Variants in PCDHA6 observed in about 807,000 individuals in gnomAD.
PCDHA6 encodes protocadherin alpha-6.
Under a neutral mutation model 60.3 loss-of-function variants are expected in PCDHA6, and 55 were observed. That is an observed-to-expected ratio of 0.91 (90% CI 0.73 to 1.14). The LOEUF is 1.14. Among genes scored for constraint, PCDHA6 ranks in the 50% most tolerant of loss-of-function variants. The pLI is 0.00. For missense variants in PCDHA6, 1,327 were observed against 1,256.5 expected, an observed-to-expected ratio of 1.06 and a Z score of -0.85; for synonymous variants, 652 against 557.9, an observed-to-expected ratio of 1.17 and a Z score of -2.38.
chr5:140,883,259 G>A (rs573584031), intron 1 of PCDHA6: 1 of 1,614,000 alleles, frequency 6.2e-7, no homozygotes, highest in East Asian at 2.2e-5. Flanking sequence ...TATTCCAATG[G>A]CGGGTCATTG....
chr5:140,970,641 T>C (rs1430565577), intron 1 of PCDHA6, among the ~76,000 whole-genome samples: 1 of 152,170 alleles, frequency 6.6e-6, no homozygotes, highest in African/African-American at 2.4e-5. Context: ...GTACCATAAA[T>C]AGTGATGAAT....
In PCDHA6 at chr5:140,937,039, C is replaced by CTT. The variant is rs34994034; in HGVS notation, c.2395-41895_2395-41894dup. On this transcript the variant is annotated intron_variant, in intron 1 of 3. Coordinates refer to ENST00000529310, the MANE Select transcript of PCDHA6 (RefSeq NM_018909.4). ...TAACAAGGTATATTCTTCCATTTATCTTTTTTTTTTTTTTTTGAGACGGAG... is the reference window on the plus strand; with the variant it reads ...TAACAAGGTATATTCTTCCATTTATCTTTTTTTTTTTTTTTTTTGAGACGGAG... 3.4e-3 allele frequency among the ~76,000 whole-genome samples: 476 copies of CTT among 140,122 alleles called. 6 individuals carry two copies. The highest frequency in any genetic ancestry group is 0.011 in the South Asian group (47 of 4,432). 91.9% of individuals were successfully genotyped at this position (140,122 alleles called of 152,430 possible).
In PCDHA6 at chr5:140,848,334, A is replaced by G. The variant is rs2150408949; in HGVS notation, c.2394+17849A>G. ...TTGCCGCGATGTTCTCTCTGAATCC[A>G]GACAAATACAGCCCTTTTCCCATGG... On this transcript the variant is annotated intron_variant, in intron 1 of 3. Transcript: ENST00000529310. 43 of 850,658 alleles carry G rather than the reference A, an allele frequency of 5.1e-5. 3 individuals are homozygous for G. Among genetic ancestry groups the G allele is most frequent in the Non-Finnish European group, 7.6e-5 (41 of 539,362 alleles). 52.7% of individuals were successfully genotyped at this position (850,658 alleles called of 1,614,324 possible). A position where few individuals can be genotyped will look rare whatever the true frequency, so the allele number is the denominator to read the frequency against.
chr5:140,843,246 C>G (rs1554139882), intron 1 of PCDHA6: 9 of 1,595,918 alleles, frequency 5.6e-6, no homozygotes, highest in Middle Eastern at 1.7e-4. Flanking sequence ...GAAGCGGACT[C>G]TCCGCGCCAC....
chr5:140,966,740 C>CGGCT (rs2096047340), intron 1 of PCDHA6: 1 of 1,422,580 alleles, frequency 7.0e-7, no homozygotes, highest in African/African-American at 1.5e-5. Flanking sequence ...CGGCCCTGCC[C>CGGCT]GGCTGCCTCC....
chr5:140,856,332 G>A, intron 1 of PCDHA6: 2 of 1,598,636 alleles, frequency 1.3e-6, no homozygotes, highest in East Asian at 2.2e-5. Context: ...GAGGAGCTGT[G>A]CGGGCGGAGC....
At chr5:140,926,785 G>A in intron 1 of PCDHA6, 1 of 1,417,966 alleles carries the variant, frequency 7.1e-7, no homozygotes. Context: ...GTGACGGCCG[G>A]CAGGAGCGTG....
intron 3 of PCDHA6, among the ~76,000 whole-genome samples, chr5:140,996,043 C>T (rs1282990779): frequency 6.6e-6 from 1 of 152,202 alleles, no homozygotes; most frequent in Non-Finnish European, 1.5e-5. Context: ...GCACTTAACA[C>T]AGTGCTTGGC....
chr5:140,929,291 A>G (rs782335969), intron 1 of PCDHA6: 19 of 1,596,972 alleles, frequency 1.2e-5, no homozygotes, highest in Non-Finnish European at 1.6e-5. Flanking sequence ...CAGATTCGGA[A>G]TAGGAAAGGG....
At chr5:140,833,777 A>C (rs2150211299) in intron 1 of PCDHA6, among the ~76,000 whole-genome samples, 1 of 152,046 alleles carries the variant, frequency 6.6e-6, no homozygotes, top group South Asian at 2.1e-4. Flanking sequence ...CCGCTTTCTA[A>C]GTTTCTCTTT....
intron 1 of PCDHA6, among the ~76,000 whole-genome samples, chr5:140,912,961 G>C (rs1370850871): frequency 6.6e-6 from 1 of 151,844 alleles, no homozygotes; most frequent in African/African-American, 2.4e-5. Context: ...ATCCCACTTG[G>C]TCTTTTAACT....
intron 1 of PCDHA6, chr5:140,852,238 A>G: frequency 1.7e-6 from 1 of 575,312 alleles, no homozygotes; most frequent in South Asian, 7.7e-5. Context: ...ATTTTCCCTT[A>G]AAACACACTT....
At chr5:140,871,422 C>T in intron 1 of PCDHA6, 1 of 1,613,658 alleles carries the variant, frequency 6.2e-7, no homozygotes, top group Non-Finnish European at 8.5e-7. Context: ...CCTTCAGCCC[C>T]AGTCTTCCTC....
intron 1 of PCDHA6, among the ~76,000 whole-genome samples, chr5:140,914,671 A>G (rs1012780806): frequency 2.6e-5 from 4 of 151,552 alleles, no homozygotes; most frequent in Non-Finnish European, 4.4e-5. Context: ...CTTCTTTTTC[A>G]TGAAAATAAT....
Position 140,900,863 on chromosome 5 carries a change from G to A in PCDHA6, c.2394+70378G>A, listed in dbSNP as rs116648446. 4.1e-3 allele frequency among the ~76,000 whole-genome samples: 626 copies of A among 152,044 alleles called. 2 individuals are homozygous for A. Among genetic ancestry groups the A allele is most frequent in the African/African-American group, 0.014 (595 of 41,452 alleles). Reference sequence around the variant, plus strand: ...AGTTTCCCTTTTTTTCACCTCTCCAGCATTTTTTATTGCCTGTCATTTGGA... The same window carrying A: ...AGTTTCCCTTTTTTTCACCTCTCCAACATTTTTTATTGCCTGTCATTTGGA... On this transcript the variant is annotated intron_variant, in intron 1 of 3. Transcript: ENST00000529310.
rs2045092638 is a variant in PCDHA6, at chr5:140,858,000, A to G, written c.2394+27515A>G. The stretch of plus-strand genomic sequence containing the variant: ...CGCCAGCGCCTACTGGTGCTGGTGA[A>G]GGACCATGGCGAGCCGTCGCTGACG... On this transcript the variant is annotated intron_variant, in intron 1 of 3. Coordinates refer to ENST00000529310, the MANE Select transcript of PCDHA6 (RefSeq NM_018909.4). 1.0e-5 allele frequency: 16 copies of G among 1,596,802 alleles called. 2 individuals carry two copies. Among genetic ancestry groups the G allele is most frequent in the Non-Finnish European group, 1.4e-5 (16 of 1,167,152 alleles).
At chr5:140,897,458 G>T (rs191522392) in intron 1 of PCDHA6, among the ~76,000 whole-genome samples, 1 of 151,310 alleles carries the variant, frequency 6.6e-6, no homozygotes, top group African/African-American at 2.4e-5. Flanking sequence ...TTGTCCTTGC[G>T]ATAGTTTACT....
intron 1 of PCDHA6, among the ~76,000 whole-genome samples, chr5:140,855,354 G>T (rs1250277544): frequency 6.7e-6 from 1 of 149,904 alleles, no homozygotes; most frequent in Non-Finnish European, 1.5e-5. Context: ...AAGTCATGTG[G>T]CTAGTGAGTA....
At chr5:140,875,935 G>A (rs781964808) in intron 1 of PCDHA6, 14 of 1,614,210 alleles carry the variant, frequency 8.7e-6, no homozygotes, top group African/African-American at 1.3e-5. Flanking sequence ...TTTTCCTCTA[G>A]AGGGCGCTTC....
Sources: allele counts gnomAD v4.1 joint callset (sites outside exome capture counted in the v4.1 genomes callset), GRCh38; gene constraint gnomAD v4.1.1; transcripts MANE v1.5; gene names NCBI Gene and HGNC (gene_info 2026-07-23, HGNC 2026-07-21).